RABGAP1L: variants seen among roughly 807,000 people sequenced by gnomAD.
RABGAP1L encodes the protein RAB GTPase activating protein 1 like, also known as rab GTPase-activating protein 1-like.
Under a neutral mutation model 137.7 loss-of-function variants are expected in RABGAP1L, and 63 were observed. The observed-to-expected ratio is 0.46, with a 90% confidence interval of 0.37 to 0.56. The LOEUF (loss-of-function observed/expected upper bound fraction) is 0.56. Among genes scored for constraint, RABGAP1L ranks in the 20% least tolerant of loss-of-function variants. The probability of loss-of-function intolerance (pLI) is 0.00; values close to 1 mark genes in which losing one functional copy is unlikely to be tolerated. For synonymous variants in RABGAP1L, 431 were observed against 433.7 expected (o/e 0.99, Z 0.08); for missense variants, 1,095 against 1,244.0 (o/e 0.88, Z 1.80).
intron 13 of RABGAP1L, among the ~76,000 whole-genome samples, chr1:174,494,748 GTT>G (rs1418063679): frequency 6.6e-6 from 1 of 152,094 alleles, no homozygotes; most frequent in Non-Finnish European, 1.5e-5. Flanking sequence ...TTCACTGTGG[GTT>G]TCATTTACCC....
At chr1:174,275,073 A>G (rs898840427) in intron 8 of RABGAP1L, 2 of 152,316 alleles carry the variant, frequency 1.3e-5, no homozygotes, top group South Asian at 2.1e-4. Flanking sequence ...ACAAGCTATA[A>G]GTAGCCTAGC....
At chr1:174,192,887 G>A (rs1017007263) in intron 1 of RABGAP1L, among the ~76,000 whole-genome samples, 6 of 152,166 alleles carry the variant, frequency 3.9e-5, no homozygotes, top group Non-Finnish European at 5.9e-5. Context: ...CAATGCTGTC[G>A]TTACTGTAGG....
At chr1:174,368,600 T>C (rs1684844395) in intron 11 of RABGAP1L, among the ~76,000 whole-genome samples, 1 of 152,218 alleles carries the variant, frequency 6.6e-6, no homozygotes. Context: ...TATTGTGACC[T>C]GTACTGTGTC....
intron 11 of RABGAP1L, among the ~76,000 whole-genome samples, chr1:174,342,389 G>A (rs981556382): frequency 5.3e-5 from 8 of 151,876 alleles, no homozygotes; most frequent in African/African-American, 4.8e-5. Flanking sequence ...TTGTCAGTTC[G>A]TTTTTCCCAA....
At chr1:174,369,243 G>A (rs1684896817) in intron 11 of RABGAP1L, among the ~76,000 whole-genome samples, 1 of 152,094 alleles carries the variant, frequency 6.6e-6, no homozygotes, top group East Asian at 1.9e-4. Context: ...AGGCTGGAGT[G>A]CAGTGGCACA....
At position 174,539,960 on chromosome 1, in the gene RABGAP1L, T is replaced by G. The variant is rs188819333; in HGVS notation, c.1711-97415T>G. Among the ~76,000 whole-genome samples the G allele has an allele frequency of 3.9e-5, 6 of 152,314 alleles. No homozygotes were observed. The East Asian group carries it at 7.7e-4, about 20-fold the overall frequency. ...CACATCCTCTCCAGCACCTATTGTT[T>G]CCTGACTTTTTAATGATCGCCATTC... On this transcript the variant is annotated intron_variant, in intron 13 of 25. Transcript: ENST00000681986.
chr1:174,358,516 T>G (rs1260625397), intron 11 of RABGAP1L, among the ~76,000 whole-genome samples: 5 of 152,196 alleles, frequency 3.3e-5, no homozygotes, highest in Non-Finnish European at 1.5e-5. Flanking sequence ...GGAACTGGTT[T>G]GGCTTGATTG....
intron 19 of RABGAP1L, among the ~76,000 whole-genome samples, chr1:174,895,525 G>A (rs1374218347): frequency 6.6e-6 from 1 of 150,428 alleles, no homozygotes; most frequent in African/African-American, 2.5e-5. Flanking sequence ...CATGTGCCAT[G>A]TTGATGTGCT....
chr1:174,742,172 G>A (rs1683488109), intron 17 of RABGAP1L, among the ~76,000 whole-genome samples: 1 of 81,790 alleles, frequency 1.2e-5, no homozygotes, highest in African/African-American at 8.3e-5. Flanking sequence ...GGAGGAGGAG[G>A]AAAGAAGAAG....
At chr1:174,835,545 C>T (rs1894199) in intron 19 of RABGAP1L, among the ~76,000 whole-genome samples, 95,102 of 152,026 alleles carry the variant, frequency 0.63, 32,068 homozygotes, top group East Asian at 0.93. Flanking sequence ...GTAAAATATT[C>T]GGAGAGAGAC....
chr1:174,809,015 T>C (rs1218429183), intron 18 of RABGAP1L, among the ~76,000 whole-genome samples: 2 of 152,194 alleles, frequency 1.3e-5, no homozygotes, highest in Admixed American at 6.5e-5. Flanking sequence ...AAAACTTACA[T>C]AGCACTACAA....
intron 12 of RABGAP1L, 74 bp downstream of exon 12, chr1:174,371,146 G>A (rs1337773035): frequency 1.2e-6 from 1 of 802,354 alleles, no homozygotes; most frequent in Non-Finnish European, 1.9e-6. Flanking sequence ...TAAAATCTGT[G>A]TGTTAAAATA....
At chr1:174,806,488 G>T (rs748893525) in intron 18 of RABGAP1L, among the ~76,000 whole-genome samples, 1 of 152,146 alleles carries the variant, frequency 6.6e-6, no homozygotes, top group Non-Finnish European at 1.5e-5. Context: ...CATGCCTGTA[G>T]TCCAAGCTAC....
intron 14 of RABGAP1L, among the ~76,000 whole-genome samples, chr1:174,653,109 C>G (rs765901739): frequency 3.3e-5 from 5 of 152,142 alleles, no homozygotes; most frequent in Non-Finnish European, 7.4e-5. Context: ...AGGGGAAAAC[C>G]GCCTACTCCA....
rs544337023 is a variant in RABGAP1L at position 174,470,691 on chromosome 1, T to C, written c.1710+76546T>C. On this transcript the variant is annotated intron_variant, in intron 13 of 25. Coordinates refer to ENST00000681986, the MANE Select transcript of RABGAP1L (RefSeq NM_001366446.1). ...CTGAGGCAGGAGAATAGCTTGAACC[T>C]GGGAGATGGAGGTTACAGTGAGCCA... Among the ~76,000 whole-genome samples the C allele has an allele frequency of 4.6e-5, 7 of 152,066 alleles. No individual in the cohort carries two copies. In the East Asian group the frequency reaches 1.4e-3, roughly 29 times the overall value.
intron 13 of RABGAP1L, among the ~76,000 whole-genome samples, chr1:174,544,270 A>G (rs940792857): frequency 1.3e-5 from 2 of 151,644 alleles, no homozygotes; most frequent in African/African-American, 2.4e-5. Flanking sequence ...ATAGTCCCAT[A>G]TTTCTTGGAG....
chr1:174,812,925 C>T (rs905265047), intron 19 of RABGAP1L, among the ~76,000 whole-genome samples: 2 of 152,280 alleles, frequency 1.3e-5, no homozygotes, highest in East Asian at 3.9e-4. Context: ...GAGACTGCCT[C>T]ATGCCTGGGT....
At chr1:174,242,318 T>C (rs1009711466) in intron 5 of RABGAP1L, among the ~76,000 whole-genome samples, 8 of 152,226 alleles carry the variant, frequency 5.3e-5, no homozygotes, top group African/African-American at 1.7e-4. Flanking sequence ...CATAGGGAAA[T>C]CTTTTCTACA....
intron 17 of RABGAP1L, among the ~76,000 whole-genome samples, chr1:174,710,656 TACA>T: frequency 6.6e-6 from 1 of 152,282 alleles, no homozygotes; most frequent in South Asian, 2.1e-4. Flanking sequence ...AGGCCTGCCT[TACA>T]AGAGCTCTTG....
Sources: gnomAD v4.1 joint callset for allele counts (sites outside exome capture counted in the v4.1 genomes callset) on GRCh38, gnomAD v4.1.1 for gene constraint, MANE v1.5 for transcripts, NCBI Gene and HGNC (gene_info 2026-07-23, HGNC 2026-07-21) for gene names.